The following PRDM5 variants were observed in gnomAD, a reference collection of about 807,000 sequenced individuals.
PRDM5 encodes PR domain zinc finger protein 5.
In PRDM5, 56 loss-of-function variants were observed where a neutral mutation model predicts 81.2. That is an observed-to-expected ratio of 0.69 (90% CI 0.56 to 0.86). The LOEUF (loss-of-function observed/expected upper bound fraction) is 0.86, where lower values mean the gene tolerates loss of function less well. PRDM5 is among the 40% of genes least tolerant of loss of function. PRDM5 has a pLI of 0.00. For missense variants in PRDM5, 697 were observed against 770.1 expected (o/e 0.91, Z 1.12); for synonymous variants, 267 against 256.4 (o/e 1.04, Z -0.39).
chr4:120,784,021 A>G (rs1209785637), intron 11 of PRDM5, among the ~76,000 whole-genome samples: 1 of 152,138 alleles, frequency 6.6e-6, no homozygotes, highest in Admixed American at 6.6e-5. Flanking sequence ...TGTATAGAGG[A>G]TTTTCTACTG....
intron 1 of PRDM5, among the ~76,000 whole-genome samples, chr4:120,912,529 A>G (rs906623528): frequency 7.2e-5 from 11 of 152,224 alleles, no homozygotes; most frequent in African/African-American, 1.9e-4. Context: ...GAGATATTTA[A>G]TAGACATAAC....
intron 3 of PRDM5, among the ~76,000 whole-genome samples, chr4:120,822,438 G>A (rs776287434): frequency 6.6e-6 from 1 of 152,108 alleles, no homozygotes; most frequent in Admixed American, 6.6e-5. Context: ...TCTCTTCTTT[G>A]GCAATATCAT....
chr4:120,820,430 T>C (rs1755109407), intron 4 of PRDM5, among the ~76,000 whole-genome samples: 1 of 152,240 alleles, frequency 6.6e-6, no homozygotes, highest in African/African-American at 2.4e-5. Context: ...ACGAGGCCTA[T>C]TACAAAATGT....
intron 8 of PRDM5, among the ~76,000 whole-genome samples, chr4:120,809,424 G>T (rs1561330092): frequency 6.6e-6 from 1 of 151,786 alleles, no homozygotes; most frequent in Non-Finnish European, 1.5e-5. Context: ...ACAAAAAAAT[G>T]CTTAATAAAA....
chr4:120,801,647 A>G (rs1752133906), intron 8 of PRDM5, among the ~76,000 whole-genome samples: 1 of 152,250 alleles, frequency 6.6e-6, no homozygotes. Context: ...TCCTTTAGAA[A>G]GCATGTGGGA....
At chr4:120,737,593 A>G (rs894203780) in intron 14 of PRDM5, among the ~76,000 whole-genome samples, 2 of 152,218 alleles carry the variant, frequency 1.3e-5, no homozygotes, top group Non-Finnish European at 1.5e-5. Context: ...CTGTGACACT[A>G]CAGCTGCTGG....
intron 14 of PRDM5, among the ~76,000 whole-genome samples, chr4:120,729,425 C>A (rs1739932592): frequency 6.6e-6 from 1 of 152,134 alleles, no homozygotes; most frequent in South Asian, 2.1e-4. Context: ...ATGAAGGCAG[C>A]ATGACTGAGA....
At chr4:120,892,496 G>A (rs1023982818) in intron 2 of PRDM5, among the ~76,000 whole-genome samples, 3 of 152,178 alleles carry the variant, frequency 2.0e-5, no homozygotes, top group Non-Finnish European at 2.9e-5. Flanking sequence ...GATGTTCCTG[G>A]TGTTGAGTGT....
At chr4:120,894,391 C>T (rs1764390969) in intron 2 of PRDM5, among the ~76,000 whole-genome samples, 1 of 152,228 alleles carries the variant, frequency 6.6e-6, no homozygotes. Context: ...CACTGCTCTT[C>T]ACTCCTTTCT....
chr4:120,767,487 T>C (rs983856003), intron 13 of PRDM5, among the ~76,000 whole-genome samples: 2 of 152,158 alleles, frequency 1.3e-5, no homozygotes, highest in South Asian at 2.1e-4. Context: ...ACAGTTTGAA[T>C]ACTATAAAAA....
At chr4:120,713,522 T>A (rs1430194395) in intron 14 of PRDM5, among the ~76,000 whole-genome samples, 1 of 152,204 alleles carries the variant, frequency 6.6e-6, no homozygotes, top group Non-Finnish European at 1.5e-5. Context: ...GTTTTTCCCA[T>A]ATATTTTATT....
chr4:120,851,485 T>C (rs1250727266), intron 3 of PRDM5, among the ~76,000 whole-genome samples: 1 of 149,258 alleles, frequency 6.7e-6, no homozygotes, highest in Non-Finnish European at 1.5e-5. Flanking sequence ...AAAAAAAACA[T>C]CAGTTTAAAC....
At chr4:120,918,282 T>C (rs1183491486) in intron 1 of PRDM5, among the ~76,000 whole-genome samples, 1 of 152,244 alleles carries the variant, frequency 6.6e-6, no homozygotes, top group Non-Finnish European at 1.5e-5. Context: ...AGATAGCATA[T>C]ACGGCAGGCT....
At chr4:120,844,190 CAG>C (rs1758380047) in intron 3 of PRDM5, among the ~76,000 whole-genome samples, 1 of 151,920 alleles carries the variant, frequency 6.6e-6, no homozygotes. Flanking sequence ...AGAAATAAAA[CAG>C]ATTTTACTTT....
At chr4:120,731,764 A>G (rs1740302378) in intron 14 of PRDM5, 1 of 152,180 alleles carries the variant, frequency 6.6e-6, no homozygotes, top group Admixed American at 6.5e-5. Flanking sequence ...CCAGAGTGGC[A>G]AAATCCATCT....
At chr4:120,853,306 C>T in intron 3 of PRDM5, 112 bp downstream of exon 3, 1 of 1,483,674 alleles carries the variant, frequency 6.7e-7, no homozygotes, top group African/African-American at 1.4e-5. Context: ...TTATGAGTTA[C>T]TGTTATTTGA....
At chr4:120,716,275 A>T (rs555213618) in intron 14 of PRDM5, among the ~76,000 whole-genome samples, 9 of 152,330 alleles carry the variant, frequency 5.9e-5, no homozygotes, top group Admixed American at 5.2e-4. Flanking sequence ...CAAGTACAAC[A>T]ACCATGTATT....
chr4:120,790,358 C>T (rs1309957375), intron 10 of PRDM5, among the ~76,000 whole-genome samples: 1 of 152,146 alleles, frequency 6.6e-6, no homozygotes, highest in Non-Finnish European at 1.5e-5. Flanking sequence ...ACACCTGTAG[C>T]TTCACTCATG....
chr4:120,894,726 T>A (rs1764425277), intron 2 of PRDM5, among the ~76,000 whole-genome samples: 1 of 152,198 alleles, frequency 6.6e-6, no homozygotes, highest in African/African-American at 2.4e-5. Flanking sequence ...AAGTAGAATT[T>A]ACAAATGAAA....
Sources: gnomAD v4.1 joint callset for allele counts (sites outside exome capture counted in the v4.1 genomes callset) on GRCh38, gnomAD v4.1.1 for gene constraint, MANE v1.5 for transcripts, NCBI Gene and HGNC (gene_info 2026-07-23, HGNC 2026-07-21) for gene names.